NSMCE2: variants seen among roughly 807,000 people sequenced by gnomAD.
NSMCE2 encodes NSE2 SUMO ligase component of SMC5/6 complex.
Under a neutral mutation model 23.8 loss-of-function variants are expected in NSMCE2, and 24 were observed. That is an observed-to-expected ratio of 1.01 (90% confidence interval 0.73 to 1.42). NSMCE2 has a LOEUF of 1.42. NSMCE2 is among the 40% of genes most tolerant of loss of function. The pLI is 0.00. For missense variants in NSMCE2, 284 were observed against 296.5 expected, an observed-to-expected ratio of 0.96 and a Z score of 0.31; for synonymous variants, 92 against 94.1, an observed-to-expected ratio of 0.98 and a Z score of 0.13.
intron 3 of NSMCE2, among the ~76,000 whole-genome samples, chr8:125,148,600 A>G (rs1820813150): frequency 1.3e-5 from 2 of 152,208 alleles, no homozygotes; most frequent in East Asian, 3.8e-4. Context: ...ACCCCTAATC[A>G]GCAGAATTTT....
intron 5 of NSMCE2, among the ~76,000 whole-genome samples, chr8:125,233,028 G>A (rs1458868707): frequency 6.6e-6 from 1 of 152,150 alleles, no homozygotes; most frequent in Admixed American, 6.5e-5. Flanking sequence ...CGCAATTGCC[G>A]GCTCTGTCAT....
At chr8:125,221,221 CACTGTGTTATTAATGCCTTT>C (rs1416238197) in intron 5 of NSMCE2, among the ~76,000 whole-genome samples, 1 of 152,170 alleles carries the variant, frequency 6.6e-6, no homozygotes, top group Non-Finnish European at 1.5e-5. Context: ...GCCCAGTACC[CACTGTGTTATTAATGCCTTT>C]ACATAGATGT....
At chr8:125,252,642 A>G (rs1183882704) in intron 5 of NSMCE2, among the ~76,000 whole-genome samples, 3 of 152,258 alleles carry the variant, frequency 2.0e-5, no homozygotes, top group Admixed American at 6.5e-5. Context: ...TTGGCAGTAC[A>G]CAAATTAGTA....
intron 3 of NSMCE2, among the ~76,000 whole-genome samples, chr8:125,142,889 A>G (rs1820456853): frequency 6.6e-6 from 1 of 152,328 alleles, no homozygotes; most frequent in Non-Finnish European, 1.5e-5. Flanking sequence ...GGCATGGGCC[A>G]CCACACCCAG....
chr8:125,104,443 A>G (rs1051002320), intron 3 of NSMCE2, among the ~76,000 whole-genome samples: 2 of 152,222 alleles, frequency 1.3e-5, no homozygotes, highest in African/African-American at 4.8e-5. Flanking sequence ...GTTACAAAGC[A>G]TGGCCCTTCT....
At position 125,260,515 on chromosome 8, in the gene NSMCE2, G is replaced by A. The variant is rs78129809; in HGVS notation, c.418+78259G>A. Among the ~76,000 whole-genome samples, 81 of 149,554 alleles carry A rather than the reference G, an allele frequency of 5.4e-4. 4 individuals carry two copies. In the East Asian group the frequency reaches 0.013, roughly 24 times the overall value. Reference sequence around the variant, plus strand: ...CTGCTGGCTCCCTCACTTAGTGGACGTTGAACCTTTCACTTTCCTTCTCGG... The same window carrying A: ...CTGCTGGCTCCCTCACTTAGTGGACATTGAACCTTTCACTTTCCTTCTCGG... On this transcript the variant is annotated intron_variant, in intron 5 of 7. Coordinates refer to ENST00000287437, the MANE Select transcript of NSMCE2 (RefSeq NM_173685.4).
intron 4 of NSMCE2, among the ~76,000 whole-genome samples, chr8:125,170,158 T>G (rs572530228): frequency 9.6e-4 from 146 of 152,214 alleles, no homozygotes; most frequent in African/African-American, 3.3e-3. Context: ...TCTCTTCATT[T>G]TCACTTTATT....
chr8:125,185,174 C>T (rs1051277904), intron 5 of NSMCE2, among the ~76,000 whole-genome samples: 3 of 152,136 alleles, frequency 2.0e-5, no homozygotes, highest in Non-Finnish European at 2.9e-5. Context: ...AAGTTGTCTC[C>T]CAGGTGGTTT....
At chr8:125,266,312 AT>A (rs1407675798) in intron 5 of NSMCE2, among the ~76,000 whole-genome samples, 5 of 152,168 alleles carry the variant, frequency 3.3e-5, no homozygotes, top group African/African-American at 1.2e-4. Flanking sequence ...GCTGAGGTCT[AT>A]TTTTTAAACC....
chr8:125,263,178 A>G (rs1319681960), intron 5 of NSMCE2, among the ~76,000 whole-genome samples: 1 of 152,240 alleles, frequency 6.6e-6, no homozygotes, highest in East Asian at 1.9e-4. Context: ...GAGATAAGGT[A>G]GGAGATGGCA....
intron 5 of NSMCE2, among the ~76,000 whole-genome samples, chr8:125,207,934 C>T (rs1031557453): frequency 4.6e-5 from 7 of 152,174 alleles, no homozygotes; most frequent in African/African-American, 1.7e-4. Context: ...CACAGTGTAA[C>T]TTTTGTCAGA....
chr8:125,146,847 G>A (rs536572787), intron 3 of NSMCE2, among the ~76,000 whole-genome samples: 3 of 152,018 alleles, frequency 2.0e-5, no homozygotes, highest in African/African-American at 7.2e-5. Flanking sequence ...GTATACATAT[G>A]TAACAGACCT....
At chr8:125,129,798 A>G (rs1394300054) in intron 3 of NSMCE2, among the ~76,000 whole-genome samples, 2 of 151,576 alleles carry the variant, frequency 1.3e-5, no homozygotes, top group Admixed American at 6.6e-5. Flanking sequence ...TTATTTTTTC[A>G]ATAAGTTTTT....
Position 125,102,431 on chromosome 8 carries a change from T to G in NSMCE2, c.101T>G (p.Ile34Ser). ...TCCTTGAAAAACTTCCAAGCCTGTA[T>G]CAACTCTGGTATGGACACAGCTTCT... Reference protein sequence around the residue: ...LSSLKNFQACINSGMDTASSV... With the variant: ...LSSLKNFQACSNSGMDTASSV... The change falls in exon 3 of 8, where the codon ATC becomes AGC. Residue 34 changes from isoleucine to serine, a missense_variant. Ile to Ser is a moderately radical substitution (Grantham distance 142). Transcript: ENST00000287437. 2 of 1,613,952 alleles carry G rather than the reference T, an allele frequency of 1.2e-6. 1 individual carries two copies. Among genetic ancestry groups the G allele is most frequent in the South Asian group, 2.2e-5 (2 of 91,080 alleles).
chr8:125,363,632 GGAA>G (rs1280000694), intron 7 of NSMCE2, among the ~76,000 whole-genome samples: 1 of 132,122 alleles, frequency 7.6e-6, no homozygotes, highest in Non-Finnish European at 1.6e-5. Flanking sequence ...AAAGAAGGAA[GGAA>G]GAAGAGAGGA....
rs184182220 is a variant in NSMCE2 at position 125,282,662 on chromosome 8, C to T, written c.419-74557C>T. Among the ~76,000 whole-genome samples the T allele has an allele frequency of 4.6e-5, 7 of 152,290 alleles. 1 individual carries two copies. The highest frequency in any genetic ancestry group is 2.0e-4 in the Admixed American group (3 of 15,296). On this transcript the variant is annotated intron_variant, in intron 5 of 7. Transcript: ENST00000287437. Reference sequence around the variant, plus strand: ...GTGTCAATGAAGAGTTGGTAATTTCCACTGAGTTCAATTCAGGACAGTTAC... The same window carrying T: ...GTGTCAATGAAGAGTTGGTAATTTCTACTGAGTTCAATTCAGGACAGTTAC...
chr8:125,280,058 A>G (rs1827631518), intron 5 of NSMCE2, among the ~76,000 whole-genome samples: 1 of 152,232 alleles, frequency 6.6e-6, no homozygotes, highest in East Asian at 1.9e-4. Context: ...TCTAGTGGTT[A>G]TCAACCAAAT....
chr8:125,239,123 G>A (rs1825666764), intron 5 of NSMCE2, among the ~76,000 whole-genome samples: 1 of 152,076 alleles, frequency 6.6e-6, no homozygotes, highest in Non-Finnish European at 1.5e-5. Context: ...TGGCAAGGTT[G>A]GTTTCATGGA....
intron 3 of NSMCE2, among the ~76,000 whole-genome samples, chr8:125,149,862 A>G (rs927269458): frequency 4.6e-5 from 7 of 151,788 alleles, no homozygotes; most frequent in Non-Finnish European, 8.8e-5. Context: ...TTGTTTTTAT[A>G]TTTATTTTTG....
Sources: allele counts gnomAD v4.1 joint callset (sites outside exome capture counted in the v4.1 genomes callset), GRCh38; gene constraint gnomAD v4.1.1; transcripts MANE v1.5; gene names NCBI Gene and HGNC (gene_info 2026-07-23, HGNC 2026-07-21).